Variants in FRMD5 observed in about 807,000 individuals in gnomAD.
FRMD5 encodes the protein FERM domain containing 5.
Under a neutral mutation model 69.0 loss-of-function variants are expected in FRMD5, and 20 were observed. The observed-to-expected ratio is 0.29, with a 90% CI of 0.20 to 0.42. The LOEUF (loss-of-function observed/expected upper bound fraction) is 0.42. FRMD5 is among the 10% of genes least tolerant of loss of function. The probability of loss-of-function intolerance (pLI) is 1.00; values close to 1 mark genes in which losing one functional copy is unlikely to be tolerated. For missense variants in FRMD5, 595 were observed against 708.6 expected, an observed-to-expected ratio of 0.84 and a Z score of 1.82; for synonymous variants, 271 against 260.1, an observed-to-expected ratio of 1.04 and a Z score of -0.40.
chr15:43,929,609 G>A (rs1406023860), intron 1 of FRMD5, among the ~76,000 whole-genome samples: 2 of 152,124 alleles, frequency 1.3e-5, no homozygotes, highest in African/African-American at 4.8e-5. Context: ...GAGGTAAAAT[G>A]GAGGGATTAC....
intron 1 of FRMD5, among the ~76,000 whole-genome samples, chr15:44,176,961 A>G (rs1280476419): frequency 1.8e-5 from 1 of 56,898 alleles, no homozygotes; most frequent in Non-Finnish European, 3.7e-5. Flanking sequence ...TTCATAAAAT[A>G]AAATATGTAA....
At chr15:44,164,369 C>T (rs1486923304) in intron 1 of FRMD5, among the ~76,000 whole-genome samples, 1 of 151,964 alleles carries the variant, frequency 6.6e-6, no homozygotes, top group African/African-American at 2.4e-5. Context: ...ACCATGTTCA[C>T]ATATTATTGG....
intron 1 of FRMD5, among the ~76,000 whole-genome samples, chr15:44,038,668 G>A (rs1292066102): frequency 1.3e-5 from 2 of 151,896 alleles, no homozygotes; most frequent in South Asian, 4.2e-4. Context: ...TCATCTCATT[G>A]GGACTGGTTG....
chr15:43,902,794 T>C (rs576339922), intron 6 of FRMD5, among the ~76,000 whole-genome samples: 3 of 152,054 alleles, frequency 2.0e-5, no homozygotes, highest in African/African-American at 2.4e-5. Context: ...TAAAATACTA[T>C]GGGGTAAAAC....
intron 1 of FRMD5, chr15:44,063,513 G>A: frequency 2.3e-6 from 1 of 434,900 alleles, no homozygotes; most frequent in Non-Finnish European, 4.5e-6. Context: ...GGGACACCAT[G>A]GTGAAGGTGA....
intron 1 of FRMD5, among the ~76,000 whole-genome samples, chr15:44,088,265 C>T (rs910814469): frequency 6.6e-6 from 1 of 151,998 alleles, no homozygotes; most frequent in African/African-American, 2.4e-5. Context: ...TCACCATTCC[C>T]GAAAGAAACC....
chr15:44,122,204 T>C (rs1269234396), intron 1 of FRMD5, among the ~76,000 whole-genome samples: 2 of 151,962 alleles, frequency 1.3e-5, no homozygotes, highest in Non-Finnish European at 2.9e-5. Context: ...AGAGACAAAC[T>C]GTTAATGGTA....
chr15:43,906,068 A>T, intron 5 of FRMD5, 117 bp from the exon 6 acceptor site: 1 of 1,296,220 alleles, frequency 7.7e-7, no homozygotes, highest in Non-Finnish European at 1.1e-6. Flanking sequence ...TTTATAAGAA[A>T]CAGTGGATTC....
chr15:44,187,750 G>A (rs774572216), intron 1 of FRMD5, among the ~76,000 whole-genome samples: 30 of 152,000 alleles, frequency 2.0e-4, no homozygotes, highest in Non-Finnish European at 3.8e-4. Context: ...TAAATTTTTT[G>A]TAGAGACAAG....
chr15:43,923,449 T>C (rs935013617), intron 2 of FRMD5, among the ~76,000 whole-genome samples: 1 of 151,932 alleles, frequency 6.6e-6, no homozygotes, highest in African/African-American at 2.4e-5. Context: ...ACCTTAAGTG[T>C]GAAAAGGAGT....
rs137856548 is a variant in FRMD5 at position 44,090,152 on chromosome 15, A to G, written c.102+104801T>C. ...GGCCAAGAATCTGAAAATCTGTGGT[A>G]TAGGTGAATGTTAGACACACCAGGG... On this transcript the variant is annotated intron_variant, in intron 1 of 13. Transcript: ENST00000417257. 6.5e-4 allele frequency among the ~76,000 whole-genome samples: 99 copies of G among 152,304 alleles called. 1 individual carries two copies. The highest frequency in any genetic ancestry group is 1.2e-3 in the Non-Finnish European group (85 of 68,020).
chr15:43,891,183 G>A (rs1048018827), intron 8 of FRMD5, among the ~76,000 whole-genome samples: 1 of 152,232 alleles, frequency 6.6e-6, no homozygotes, highest in African/African-American at 2.4e-5. Flanking sequence ...ACAGATGTTT[G>A]TATGGGCTGG....
intron 1 of FRMD5, among the ~76,000 whole-genome samples, chr15:44,084,593 T>C (rs1894118707): frequency 6.6e-6 from 1 of 152,112 alleles, no homozygotes; most frequent in African/African-American, 2.4e-5. Context: ...ACTTAAACCT[T>C]TTTTGTATAT....
At chr15:43,957,161 G>A (rs1376402219) in intron 1 of FRMD5, among the ~76,000 whole-genome samples, 1 of 152,028 alleles carries the variant, frequency 6.6e-6, no homozygotes, top group Non-Finnish European at 1.5e-5. Flanking sequence ...GAGGTCATGT[G>A]TCACCTATTA....
intron 11 of FRMD5, among the ~76,000 whole-genome samples, chr15:43,885,340 T>C (rs2088637036): frequency 6.6e-6 from 1 of 151,836 alleles, no homozygotes; most frequent in South Asian, 2.1e-4. Flanking sequence ...ACCCAGATAA[T>C]TTTTTTTGTA....
At chr15:44,088,992 T>C (rs1894319016) in intron 1 of FRMD5, among the ~76,000 whole-genome samples, 1 of 152,214 alleles carries the variant, frequency 6.6e-6, no homozygotes, top group Non-Finnish European at 1.5e-5. Context: ...TAATGTATAA[T>C]ATAAATGGAT....
chr15:44,187,966 C>A (rs1169208235), intron 1 of FRMD5, among the ~76,000 whole-genome samples: 4 of 152,094 alleles, frequency 2.6e-5, no homozygotes, highest in African/African-American at 9.7e-5. Flanking sequence ...AAACTCCAAC[C>A]CAAATCTGCA....
chr15:44,026,834 C>T (rs1891447927), intron 1 of FRMD5, among the ~76,000 whole-genome samples: 2 of 152,192 alleles, frequency 1.3e-5, no homozygotes, highest in Non-Finnish European at 2.9e-5. Flanking sequence ...ATGGTGATTA[C>T]CATGTGTGCA....
At chr15:43,973,139 C>G (rs983173648) in intron 1 of FRMD5, among the ~76,000 whole-genome samples, 20 of 152,048 alleles carry the variant, frequency 1.3e-4, no homozygotes, top group Non-Finnish European at 1.3e-4. Flanking sequence ...TCTCCTGCCT[C>G]AGCCTCCCGA....
Sources: allele counts gnomAD v4.1 joint callset (sites outside exome capture counted in the v4.1 genomes callset), GRCh38; gene constraint gnomAD v4.1.1; transcripts MANE v1.5; gene names NCBI Gene and HGNC (gene_info 2026-07-23, HGNC 2026-07-21).